The following KCNIP1 variants were observed in gnomAD, a reference collection of about 807,000 sequenced individuals.
KCNIP1 encodes potassium voltage-gated channel interacting protein 1, also known as A-type potassium channel modulatory protein KCNIP1.
A neutral mutation model predicts 33.0 loss-of-function variants in KCNIP1; 18 were observed. The ratio of observed to expected loss-of-function variants is 0.55; its 90% CI spans 0.38 to 0.81. KCNIP1 has a LOEUF of 0.81. Ranked by LOEUF, KCNIP1 falls within the 30% of genes least tolerant of loss-of-function variation. KCNIP1 has a pLI of 0.00. For synonymous variants in KCNIP1, 93 were observed against 98.3 expected, an observed-to-expected ratio of 0.95 and a Z score of 0.32; for missense variants, 238 against 271.6, an observed-to-expected ratio of 0.88 and a Z score of 0.87.
chr5:170,367,413 GAA>G (rs1308649346), intron 1 of KCNIP1, among the ~76,000 whole-genome samples: 1 of 90,846 alleles, frequency 1.1e-5, no homozygotes, highest in Non-Finnish European at 2.4e-5. Context: ...AAGAAAGAAA[GAA>G]AGAAAGGAAA....
intron 1 of KCNIP1, among the ~76,000 whole-genome samples, chr5:170,498,328 G>C (rs770138964): frequency 6.6e-6 from 1 of 152,238 alleles, no homozygotes; most frequent in East Asian, 1.9e-4. Context: ...GAAATTGAGG[G>C]GCTCAAAGGT....
chr5:170,435,089 C>A (rs1432266765), intron 1 of KCNIP1, among the ~76,000 whole-genome samples: 1 of 152,230 alleles, frequency 6.6e-6, no homozygotes, highest in Non-Finnish European at 1.5e-5. Context: ...GGTCCTCAGA[C>A]AATTTCCTCC....
intron 1 of KCNIP1, among the ~76,000 whole-genome samples, chr5:170,527,790 C>T (rs1052146144): frequency 1.3e-5 from 2 of 150,756 alleles, no homozygotes; most frequent in East Asian, 3.9e-4. Flanking sequence ...AATATATTTT[C>T]CTCTATTTGT....
chr5:170,729,662 T>C (rs543387198), intron 5 of KCNIP1, among the ~76,000 whole-genome samples: 53 of 152,156 alleles, frequency 3.5e-4, no homozygotes, highest in African/African-American at 1.1e-3. Context: ...AAGAAAGTAA[T>C]GTATATCTTT....
At chr5:170,427,759 C>T (rs898758098) in intron 1 of KCNIP1, among the ~76,000 whole-genome samples, 1 of 152,202 alleles carries the variant, frequency 6.6e-6, no homozygotes, top group South Asian at 2.1e-4. Context: ...CCCACCCCTT[C>T]GCCTTCATCT....
At chr5:170,487,741 C>T (rs1471021053) in intron 1 of KCNIP1, among the ~76,000 whole-genome samples, 2 of 152,072 alleles carry the variant, frequency 1.3e-5, no homozygotes, top group Admixed American at 6.5e-5. Flanking sequence ...TGGTCTCGAA[C>T]TCCTGGGCTC....
At chr5:170,522,364 C>G (rs17745849) in intron 1 of KCNIP1, among the ~76,000 whole-genome samples, 8,527 of 152,286 alleles carry the variant, frequency 0.056, 291 homozygotes, top group East Asian at 0.11. Flanking sequence ...TCTGGGTTCA[C>G]CAAGAAACAT....
rs182436701 is a variant in KCNIP1 at position 170,440,747 on chromosome 5, A to G, written c.88+86783A>G. 1.8e-4 allele frequency among the ~76,000 whole-genome samples: 28 copies of G among 152,334 alleles called. No homozygotes were observed. In the East Asian group the frequency reaches 5.0e-3, roughly 27 times the overall value. On this transcript the variant is annotated intron_variant, in intron 1 of 7. Transcript: ENST00000377360. ...TTGGGCCTCATCTGCTTATCTCTGA[A>G]GTGCAGAAATTTATAGCACCTACCT...
At chr5:170,612,749 G>A (rs932488428) in intron 1 of KCNIP1, among the ~76,000 whole-genome samples, 5 of 152,198 alleles carry the variant, frequency 3.3e-5, no homozygotes, top group African/African-American at 9.7e-5. Flanking sequence ...GTGGCCGGCT[G>A]TAATTCAGAG....
chr5:170,499,854 C>T (rs1246498301), upstream of KCNIP1, among the ~76,000 whole-genome samples: 1 of 152,136 alleles, frequency 6.6e-6, no homozygotes, highest in East Asian at 1.9e-4. Flanking sequence ...CTCCTTCCTC[C>T]CTGAACAACC....
At chr5:170,555,982 C>T (rs1756831336) in intron 1 of KCNIP1, among the ~76,000 whole-genome samples, 1 of 152,182 alleles carries the variant, frequency 6.6e-6, no homozygotes. Flanking sequence ...CCTCCTGCCC[C>T]ACTGTGGGCC....
intron 1 of KCNIP1, among the ~76,000 whole-genome samples, chr5:170,526,167 G>A (rs549514143): frequency 7.6e-4 from 116 of 152,274 alleles, no homozygotes; most frequent in African/African-American, 2.6e-3. Flanking sequence ...CCATGCTCAT[G>A]TCACCCTCCT....
At chr5:170,380,833 C>A (rs1230711679) in intron 1 of KCNIP1, among the ~76,000 whole-genome samples, 1 of 152,176 alleles carries the variant, frequency 6.6e-6, no homozygotes, top group Non-Finnish European at 1.5e-5. Flanking sequence ...GCTGTGTGAC[C>A]TTGGCAACTG....
chr5:170,601,413 C>T (rs1212979966), intron 1 of KCNIP1, among the ~76,000 whole-genome samples: 4 of 152,196 alleles, frequency 2.6e-5, no homozygotes, highest in African/African-American at 4.8e-5. Context: ...TAGAACGTCC[C>T]GGGAAACTTC....
At chr5:170,474,531 G>T (rs1756807522) in intron 1 of KCNIP1, among the ~76,000 whole-genome samples, 1 of 152,238 alleles carries the variant, frequency 6.6e-6, no homozygotes, top group African/African-American at 2.4e-5. Context: ...GTCTATGAGA[G>T]AAGTCAGCTT....
At chr5:170,383,640 G>A (rs538353830) in intron 1 of KCNIP1, 2 of 1,609,078 alleles carry the variant, frequency 1.2e-6, no homozygotes, top group South Asian at 1.1e-5. Flanking sequence ...ACACCTGACA[G>A]GGATAAAGGG....
At chr5:170,538,155 A>AGGC (rs1231541064) in intron 1 of KCNIP1, among the ~76,000 whole-genome samples, 1 of 152,130 alleles carries the variant, frequency 6.6e-6, no homozygotes, top group African/African-American at 2.4e-5. Flanking sequence ...TAGAGCCCTT[A>AGGC]ATGACTATCC....
intron 1 of KCNIP1, among the ~76,000 whole-genome samples, chr5:170,616,615 G>C (rs1759382742): frequency 6.6e-6 from 1 of 152,152 alleles, no homozygotes; most frequent in Non-Finnish European, 1.5e-5. Context: ...GTTTCCTTCT[G>C]TAATGTGAAA....
chr5:170,472,717 A>G (rs898735240), intron 1 of KCNIP1, among the ~76,000 whole-genome samples: 2 of 152,122 alleles, frequency 1.3e-5, no homozygotes, highest in African/African-American at 4.8e-5. Flanking sequence ...ACTTAGAATA[A>G]TAGTCTCCAA....
Sources: gnomAD v4.1 joint callset for allele counts (sites outside exome capture counted in the v4.1 genomes callset) on GRCh38, gnomAD v4.1.1 for gene constraint, MANE v1.5 for transcripts, NCBI Gene and HGNC (gene_info 2026-07-23, HGNC 2026-07-21) for gene names.